Variants in KIF25 observed in about 807,000 individuals in gnomAD.
KIF25 encodes the protein kinesin family member 25.
KIF25 carries 19 observed loss-of-function variants against 32.9 expected under a neutral mutation model. That is an observed-to-expected ratio of 0.58 (90% CI 0.40 to 0.85). The LOEUF (loss-of-function observed/expected upper bound fraction) is 0.85. Among genes scored for constraint, KIF25 ranks in the 40% least tolerant of loss-of-function variants. The pLI, the probability that KIF25 is intolerant of heterozygous loss-of-function variation, is 0.00. For synonymous variants in KIF25, 225 were observed against 213.7 expected (o/e 1.05, Z -0.46); for missense variants, 485 against 507.0 (o/e 0.96, Z 0.42).
chr6:168,038,497 A>C (rs1799062952), intron 8 of KIF25, 56 bp from the exon 9 acceptor site: 2 of 1,579,998 alleles, frequency 1.3e-6, no homozygotes, highest in Non-Finnish European at 1.7e-6. Context: ...ATTGGCTTAC[A>C]CTGAAAATCA....
intron 7 of KIF25, among the ~76,000 whole-genome samples, 185 bp downstream of exon 7, chr6:168,031,032 A>T (rs1311932888): frequency 2.0e-5 from 3 of 152,170 alleles, no homozygotes; most frequent in Non-Finnish European, 2.9e-5. Flanking sequence ...GCACCCTGGG[A>T]AAAGGAGTGA....
At chr6:168,020,337 C>G (rs56990875) in intron 5 of KIF25, among the ~76,000 whole-genome samples, 1 of 152,118 alleles carries the variant, frequency 6.6e-6, no homozygotes, top group African/African-American at 2.4e-5. Flanking sequence ...GTGAAAATGT[C>G]TTTCAAATAC....
Position 168,007,000 on chromosome 6 carries a change from G to A in KIF25, c.-163+3297G>A, listed in dbSNP as rs552305131. On this transcript the variant is annotated intron_variant, in intron 4 of 12. Coordinates refer to ENST00000643607, the MANE Select transcript of KIF25 (RefSeq NM_030615.4). ...TTAAAGTATTATTGATTGATTGATT[G>A]ATTCAGCTTTATTTAGGTAAAATCG... 7.0e-4 allele frequency among the ~76,000 whole-genome samples: 107 copies of A among 152,264 alleles called. 1 individual carries two copies. The highest frequency in any genetic ancestry group is 2.4e-3 in the African/African-American group (98 of 41,552).
chr6:168,021,398 G>A (rs541142635), intron 5 of KIF25, among the ~76,000 whole-genome samples: 52 of 152,332 alleles, frequency 3.4e-4, no homozygotes, highest in African/African-American at 1.2e-3. Flanking sequence ...AAGCTCCCTC[G>A]AAGACAGATC....
At chr6:168,025,364 T>C (rs1197876103) in intron 5 of KIF25, among the ~76,000 whole-genome samples, 1 of 152,184 alleles carries the variant, frequency 6.6e-6, no homozygotes. Context: ...TGGCACATTA[T>C]AGTATCTGCT....
intron 5 of KIF25, among the ~76,000 whole-genome samples, chr6:168,022,550 C>T (rs1219629903): frequency 6.6e-5 from 10 of 152,126 alleles, no homozygotes; most frequent in East Asian, 1.9e-4. Context: ...CTCAGCCTCC[C>T]GAGTAGCTAG....
chr6:168,040,385 G>A (rs1240039335), intron 10 of KIF25, among the ~76,000 whole-genome samples, 169 bp downstream of exon 10: 2 of 152,148 alleles, frequency 1.3e-5, no homozygotes, highest in Non-Finnish European at 2.9e-5. Flanking sequence ...GGCCAACATG[G>A]TGAAACCCTG....
At chr6:168,005,488 A>G (rs534890876) in intron 4 of KIF25, among the ~76,000 whole-genome samples, 1 of 152,326 alleles carries the variant, frequency 6.6e-6, no homozygotes, top group South Asian at 2.1e-4. Context: ...GTCTGTGCAG[A>G]GCTGCTCAGC....
Position 168,033,875 on chromosome 6 carries a change from AT to A in KIF25, c.168-3del, listed in dbSNP as rs1328643768. The A allele has an allele frequency of 6.2e-7, 1 of 1,611,050 alleles. No individual in the cohort carries two copies. The highest frequency in any genetic ancestry group is 1.3e-5 in the African/African-American group (1 of 74,866). ...TTTTGCTGGACTGAATCTGCTCTGA[AT>A]TTTAGGTACAATGTTTGTGTTATGG... On this transcript the variant is annotated splice_region_variant and splice_polypyrimidine_tract_variant and intron_variant, in intron 7 of 12. Coordinates refer to ENST00000643607, the MANE Select transcript of KIF25 (RefSeq NM_030615.4).
intron 4 of KIF25, among the ~76,000 whole-genome samples, chr6:168,005,502 G>A (rs560958536): frequency 1.3e-5 from 2 of 152,174 alleles, no homozygotes; most frequent in East Asian, 3.9e-4. Context: ...GCTCAGCTTC[G>A]ACCCTGTATT....
chr6:168,037,103 A>G lies in KIF25; in HGVS notation c.318-1450A>G, dbSNP rs1172639858. 3.3e-5 allele frequency among the ~76,000 whole-genome samples: 5 copies of G among 152,312 alleles called. No individual in the cohort carries two copies. In the South Asian group the frequency reaches 8.3e-4, roughly 25 times the overall value. ...AAATATAAAGTAAAATAAAATCTGT[A>G]GCTTAGCTAACTTCATGTTTCACTG... On this transcript the variant is annotated intron_variant, in intron 8 of 12. Transcript: ENST00000643607.
chr6:168,030,007 G>C (rs2114898471), intron 6 of KIF25, among the ~76,000 whole-genome samples: 1 of 152,328 alleles, frequency 6.6e-6, no homozygotes, highest in East Asian at 1.9e-4. Flanking sequence ...TGTCGTTCAG[G>C]AAACTGAGGT....
intron 4 of KIF25, among the ~76,000 whole-genome samples, chr6:168,006,208 CTTT>C (rs112107930): frequency 2.1e-5 from 3 of 142,944 alleles, no homozygotes; most frequent in Non-Finnish European, 4.6e-5. Context: ...TATTCTATTT[CTTT>C]TTTTTTTTTT....
intron 5 of KIF25, among the ~76,000 whole-genome samples, chr6:168,019,858 G>A (rs1562384694): frequency 6.6e-6 from 1 of 152,198 alleles, no homozygotes. Context: ...CCGGAGGTGG[G>A]GCGCGGTGGC....
intron 4 of KIF25, among the ~76,000 whole-genome samples, chr6:168,006,316 G>A (rs953491147): frequency 3.3e-5 from 5 of 151,648 alleles, no homozygotes; most frequent in South Asian, 2.1e-4. Flanking sequence ...TGCTAGGATT[G>A]TAGGCGTGAG....
chr6:168,005,797 C>T (rs1464904396), intron 4 of KIF25, among the ~76,000 whole-genome samples: 1 of 152,238 alleles, frequency 6.6e-6, no homozygotes, highest in Non-Finnish European at 1.5e-5. Context: ...TTAGACGGTG[C>T]CCACCCAGAT....
In KIF25 at chr6:167,997,883, A is replaced by C. The variant is rs1798443717; in HGVS notation, c.-1586A>C. ...GCCCACGAAGCCAGTGTTCCTGCGA[A>C]GCTTCTCTTCCCTGGCCATGCCGAG... is the stretch of plus-strand genomic sequence containing the variant. On this transcript the variant is annotated 5_prime_UTR_variant, in exon 1 of 13. Coordinates refer to ENST00000643607, the MANE Select transcript of KIF25 (RefSeq NM_030615.4). 6.6e-6 allele frequency among the ~76,000 whole-genome samples: 1 copy of C among 152,146 alleles called. No homozygotes were observed. The highest frequency in any genetic ancestry group is 6.5e-5 in the Admixed American group (1 of 15,284).
intron 2 of KIF25, among the ~76,000 whole-genome samples, chr6:168,000,316 C>A (rs28684092): frequency 3.2e-3 from 219 of 68,720 alleles, no homozygotes; most frequent in Middle Eastern, 0.017. Context: ...ACCACACCTG[C>A]CCCTCCCCAC....
intron 5 of KIF25, among the ~76,000 whole-genome samples, chr6:168,026,145 C>T (rs1432831271): frequency 6.6e-6 from 1 of 152,202 alleles, no homozygotes; most frequent in Non-Finnish European, 1.5e-5. Context: ...TTACACCAGG[C>T]TGCTGCTCAG....
Sources: allele counts gnomAD v4.1 joint callset (sites outside exome capture counted in the v4.1 genomes callset), GRCh38; gene constraint gnomAD v4.1.1; transcripts MANE v1.5; gene names NCBI Gene and HGNC (gene_info 2026-07-23, HGNC 2026-07-21).